Variants in RPP30 observed in about 807,000 individuals in gnomAD.
RPP30 encodes the protein ribonuclease P protein subunit p30.
Under a neutral mutation model 38.6 loss-of-function variants are expected in RPP30, and 36 were observed. The ratio of observed to expected loss-of-function variants is 0.93; its 90% CI spans 0.71 to 1.23. The LOEUF (loss-of-function observed/expected upper bound fraction) is 1.23, where lower values mean the gene tolerates loss of function less well. Ranked by LOEUF, RPP30 falls within the 50% of genes most tolerant of loss-of-function variation. The pLI, the probability that RPP30 is intolerant of heterozygous loss-of-function variation, is 0.00. For missense variants in RPP30, 321 were observed against 321.7 expected, an observed-to-expected ratio of 1.00 and a Z score of 0.02; for synonymous variants, 126 against 112.7, an observed-to-expected ratio of 1.12 and a Z score of -0.75.
At chr10:90,895,412 A>G (rs2120226914) in intron 7 of RPP30, 42 bp from the exon 8 acceptor site, 5 of 1,161,836 alleles carry the variant, frequency 4.3e-6, no homozygotes, top group Non-Finnish European at 6.0e-6. Context: ...TCCTTTTTTT[A>G]CATTTATCTA....
At chr10:90,879,491 C>T (rs1452023059) in intron 5 of RPP30, among the ~76,000 whole-genome samples, 1 of 152,130 alleles carries the variant, frequency 6.6e-6, no homozygotes, top group Non-Finnish European at 1.5e-5. Context: ...TTTGCTGCTC[C>T]TTGGGAGGGA....
chr10:90,890,098 TCA>T (rs1356343613), intron 6 of RPP30, among the ~76,000 whole-genome samples: 1 of 152,216 alleles, frequency 6.6e-6, no homozygotes, highest in Non-Finnish European at 1.5e-5. Context: ...AGTTCATGGT[TCA>T]CACAGTTAAA....
intron 1 of RPP30, among the ~76,000 whole-genome samples, chr10:90,873,693 A>G (rs1265363721): frequency 2.0e-5 from 3 of 152,192 alleles, no homozygotes; most frequent in African/African-American, 7.2e-5. Context: ...CTAAATGGGT[A>G]TAACAAGGAA....
chr10:90,894,540 A>T (rs888907122), intron 6 of RPP30, among the ~76,000 whole-genome samples: 8 of 152,126 alleles, frequency 5.3e-5, no homozygotes, highest in Non-Finnish European at 8.8e-5. Flanking sequence ...TGTTTATGTA[A>T]AGTCAGCTTC....
At chr10:90,875,939 C>T (rs972133485) in intron 3 of RPP30, 85 bp from the exon 4 acceptor site, 3 of 798,220 alleles carry the variant, frequency 3.8e-6, no homozygotes, top group African/African-American at 1.7e-5. Context: ...TAGCCAGTAC[C>T]TTTTAATGAA....
At chr10:90,872,366 T>C (rs974609171) in intron 1 of RPP30, among the ~76,000 whole-genome samples, 1 of 152,200 alleles carries the variant, frequency 6.6e-6, no homozygotes, top group African/African-American at 2.4e-5. Context: ...GGAGCTGGAC[T>C]CCAAGGGTAC....
chr10:90,887,181 T>A (rs112790007), intron 6 of RPP30, among the ~76,000 whole-genome samples: 203 of 152,034 alleles, frequency 1.3e-3, no homozygotes, highest in African/African-American at 4.6e-3. Flanking sequence ...TTTCCCAGGC[T>A]GGTCTCAAAC....
At chr10:90,872,312 G>A (rs911662047) in intron 1 of RPP30, among the ~76,000 whole-genome samples, 3 of 152,202 alleles carry the variant, frequency 2.0e-5, no homozygotes, top group Non-Finnish European at 4.4e-5. Flanking sequence ...TAACGAGGGC[G>A]AGGGATTTGC....
At position 90,879,106 on chromosome 10, in the gene RPP30, T is replaced by A; in HGVS notation, c.314T>A (p.Val105Asp). 1 of 1,613,966 alleles carries A rather than the reference T, an allele frequency of 6.2e-7. No individual in the cohort carries two copies. Among genetic ancestry groups the A allele is most frequent in the Non-Finnish European group, 8.5e-7 (1 of 1,179,948 alleles). ...GCCCGGCTCTATGATGTTGTTGCAG[T>A]TTTTCCAAAGACAGAAAAGCTTTTT... is the stretch of plus-strand genomic sequence containing the variant. ...SRARLYDVVA[V>D]FPKTEKLFHI... Residue 105 changes from valine (V) to aspartate (D), a missense_variant, in exon 5 of 11, where the codon GTT becomes GAT. Physicochemically the swap from Val to Asp is radical, Grantham distance 152. Transcript: ENST00000371703.
chr10:90,889,603 G>A (rs141271255), intron 6 of RPP30, among the ~76,000 whole-genome samples: 20 of 152,118 alleles, frequency 1.3e-4, no homozygotes, highest in Non-Finnish European at 2.5e-4. Flanking sequence ...TCTTAATTTT[G>A]TCACGATGTG....
chr10:90,905,413 C>T (rs1847243393), downstream of RPP30: 1 of 152,226 alleles, frequency 6.6e-6, no homozygotes, highest in Admixed American at 6.5e-5. Flanking sequence ...ACAGCCTGGC[C>T]CACTGGCCTC....
At chr10:90,886,554 C>G (rs113662370) in intron 6 of RPP30, among the ~76,000 whole-genome samples, 200 of 152,244 alleles carry the variant, frequency 1.3e-3, no homozygotes, top group African/African-American at 4.5e-3. Flanking sequence ...CCATTTCCAT[C>G]ATAAGGTAAT....
rs1012059314 is a variant in RPP30 at position 90,900,805 on chromosome 10, A to G, written c.*126A>G. The G allele has an allele frequency of 5.0e-6, 7 of 1,399,854 alleles. No individual in the cohort carries two copies. In the East Asian group the frequency reaches 7.6e-5, roughly 15 times the overall value. 86.7% of individuals were successfully genotyped at this position (1,399,854 alleles called of 1,614,324 possible). A position where few individuals can be genotyped will look rare whatever the true frequency, so the allele number is the denominator to read the frequency against. ...GAGCTAGAAATCAATAGTCTATAAAAACAGTTTTACTTGCAATCCATTAAA... is the reference window on the plus strand; with the variant it reads ...GAGCTAGAAATCAATAGTCTATAAAGACAGTTTTACTTGCAATCCATTAAA... On this transcript the variant is annotated 3_prime_UTR_variant, in exon 11 of 11. Coordinates refer to ENST00000371703, the MANE Select transcript of RPP30 (RefSeq NM_006413.5).
chr10:90,897,923 G>T (rs536251581), intron 10 of RPP30, among the ~76,000 whole-genome samples: 1 of 152,242 alleles, frequency 6.6e-6, no homozygotes, highest in Admixed American at 6.5e-5. Flanking sequence ...CATATGTCTT[G>T]TGTTATAAAC....
At chr10:90,877,990 T>C (rs898354878) in intron 4 of RPP30, among the ~76,000 whole-genome samples, 14 of 152,218 alleles carry the variant, frequency 9.2e-5, no homozygotes, top group African/African-American at 2.9e-4. Flanking sequence ...AAAGAAATTG[T>C]GAAAAGCCAA....
rs539652814 is a variant in RPP30 at position 90,886,885 on chromosome 10, G to A, written c.432+984G>A. Among the ~76,000 whole-genome samples the A allele has an allele frequency of 8.5e-5, 13 of 152,128 alleles. No homozygotes were observed. The South Asian group carries it at 2.7e-3, about 32-fold the overall frequency. On this transcript the variant is annotated intron_variant, in intron 6 of 10. Coordinates refer to ENST00000371703, the MANE Select transcript of RPP30 (RefSeq NM_006413.5). ...TAATTCTCTTTGGTGCTAAGGAATT[G>A]GCTTGAGAATTAGAGGGAGACAGTA...
intron 5 of RPP30, among the ~76,000 whole-genome samples, 180 bp downstream of exon 5, chr10:90,879,314 T>G (rs1345044791): frequency 6.6e-6 from 1 of 152,200 alleles, no homozygotes; most frequent in African/African-American, 2.4e-5. Context: ...TTTTTTTGTT[T>G]TGTTTTGTTT....
At chr10:90,887,269 ACC>A (rs1847014647) in intron 6 of RPP30, among the ~76,000 whole-genome samples, 1 of 151,906 alleles carries the variant, frequency 6.6e-6, no homozygotes, top group Admixed American at 6.6e-5. Flanking sequence ...TGCCTGACCC[ACC>A]CAATGGGGAA....
chr10:90,895,361 A>T, intron 7 of RPP30, 93 bp from the exon 8 acceptor site: 1 of 739,204 alleles, frequency 1.4e-6, no homozygotes, highest in Non-Finnish European at 2.2e-6. Context: ...TTTGAGCCTT[A>T]AATGTTAAAA....
Sources: gnomAD v4.1 joint callset for allele counts (sites outside exome capture counted in the v4.1 genomes callset) on GRCh38, gnomAD v4.1.1 for gene constraint, MANE v1.5 for transcripts, NCBI Gene and HGNC (gene_info 2026-07-23, HGNC 2026-07-21) for gene names.